Variants in ZNF516 observed in about 807,000 individuals in gnomAD.
ZNF516 encodes the protein zinc finger protein 516.
In ZNF516, 19 loss-of-function variants were observed where a neutral mutation model predicts 79.7. That is an observed-to-expected ratio of 0.24 (90% CI 0.17 to 0.35). The LOEUF is 0.35. Ranked by LOEUF, ZNF516 falls within the 10% of genes least tolerant of loss-of-function variation. ZNF516 has a pLI of 1.00. For synonymous variants in ZNF516, 877 were observed against 739.5 expected (o/e 1.19, Z -3.02); for missense variants, 1,678 against 1,679.5 (o/e 1.00, Z 0.02).
intron 3 of ZNF516, among the ~76,000 whole-genome samples, chr18:76,424,815 G>A (rs1208441029): frequency 4.4e-5 from 5 of 112,756 alleles, no homozygotes; most frequent in Non-Finnish European, 8.7e-5. Flanking sequence ...AGGCTCCCCC[G>A]AAACACACGC....
chr18:76,402,871 T>G (rs1244346039), intron 3 of ZNF516, among the ~76,000 whole-genome samples: 1 of 152,124 alleles, frequency 6.6e-6, no homozygotes, highest in East Asian at 1.9e-4. Flanking sequence ...CCCTCCGTGT[T>G]CCCATGCTGG....
chr18:76,486,595 A>C (rs1338919842), intron 1 of ZNF516, among the ~76,000 whole-genome samples: 1 of 152,066 alleles, frequency 6.6e-6, no homozygotes, highest in East Asian at 1.9e-4. Flanking sequence ...TAAAAAAGCA[A>C]GAAAATAACA....
intron 2 of ZNF516, among the ~76,000 whole-genome samples, chr18:76,444,009 G>T (rs1911890824): frequency 1.3e-5 from 2 of 152,236 alleles, no homozygotes; most frequent in African/African-American, 2.4e-5. Flanking sequence ...CCAGAGAGTA[G>T]CTGTGTCCAG....
intron 6 of ZNF516, among the ~76,000 whole-genome samples, chr18:76,367,510 C>A (rs1260257713): frequency 6.6e-6 from 1 of 152,214 alleles, no homozygotes; most frequent in East Asian, 1.9e-4. Context: ...CTCTGCCCAC[C>A]CACTCTGGCT....
At chr18:76,435,642 A>G (rs1024963649) in intron 3 of ZNF516, among the ~76,000 whole-genome samples, 3 of 152,208 alleles carry the variant, frequency 2.0e-5, no homozygotes, top group African/African-American at 7.2e-5. Context: ...TTTTTATACT[A>G]AACAAGAATT....
chr18:76,427,771 A>G (rs1697055295), intron 3 of ZNF516, among the ~76,000 whole-genome samples: 1 of 152,240 alleles, frequency 6.6e-6, no homozygotes, highest in South Asian at 2.1e-4. Context: ...TAACAAGAAA[A>G]GGACAACACA....
At chr18:76,445,044 C>T (rs1345561119) in intron 2 of ZNF516, among the ~76,000 whole-genome samples, 1 of 152,142 alleles carries the variant, frequency 6.6e-6, no homozygotes, top group African/African-American at 2.4e-5. Context: ...TGCAACAGAG[C>T]GGGCATGAGA....
intron 3 of ZNF516, among the ~76,000 whole-genome samples, chr18:76,384,229 G>A (rs2074941153): frequency 6.6e-6 from 1 of 151,568 alleles, no homozygotes; most frequent in African/African-American, 2.4e-5. Context: ...CCCAACAGGT[G>A]GCAGCAGGCA....
intron 6 of ZNF516, among the ~76,000 whole-genome samples, chr18:76,364,127 T>C (rs976663528): frequency 1.3e-5 from 2 of 152,232 alleles, no homozygotes; most frequent in Admixed American, 1.3e-4. Flanking sequence ...TTTAAAAATA[T>C]TTATTTTGGA....
At chr18:76,372,826 G>A (rs1276654118) in intron 4 of ZNF516, 1 of 152,174 alleles carries the variant, frequency 6.6e-6, no homozygotes, top group East Asian at 1.9e-4. Flanking sequence ...TACACAAAAG[G>A]AATAAGAAGA....
At chr18:76,469,950 C>T (rs1356480352) in intron 1 of ZNF516, among the ~76,000 whole-genome samples, 1 of 152,170 alleles carries the variant, frequency 6.6e-6, no homozygotes, top group African/African-American at 2.4e-5. Flanking sequence ...CTCAGGAAAT[C>T]ATTACAAAAT....
chr18:76,430,344 A>C (rs1378802115), intron 3 of ZNF516, among the ~76,000 whole-genome samples: 3 of 152,260 alleles, frequency 2.0e-5, no homozygotes, highest in African/African-American at 7.2e-5. Flanking sequence ...CGTAGTAATC[A>C]ATTTTTAAAA....
chr18:76,431,820 C>T (rs944470614), intron 3 of ZNF516, among the ~76,000 whole-genome samples: 1 of 152,170 alleles, frequency 6.6e-6, no homozygotes, highest in East Asian at 1.9e-4. Flanking sequence ...TCTGCAGAAC[C>T]GTGGGCCAAA....
intron 3 of ZNF516, among the ~76,000 whole-genome samples, chr18:76,384,874 G>A (rs894249022): frequency 2.6e-5 from 4 of 152,206 alleles, no homozygotes; most frequent in African/African-American, 9.6e-5. Flanking sequence ...AAAGAGAACG[G>A]TGCTGATTTG....
Position 76,442,081 on chromosome 18 carries a change from T to A in ZNF516, c.974A>T (p.Glu325Val), listed in dbSNP as rs1911704339. 1.9e-6 allele frequency: 3 copies of A among 1,613,872 alleles called. No individual in the cohort carries two copies. Among genetic ancestry groups the A allele is most frequent in the Non-Finnish European group, 2.5e-6 (3 of 1,179,896 alleles). ...IATINNVVQE[E>V]VIVAGLSLYE... is the part of the protein sequence containing the mutation. ...GAGGCTCAGGCCGGCGACGATCACC[T>A]CCTCCTGGACCACGTTGTTGATGGT... is the stretch of plus-strand genomic sequence containing the variant. The change falls in exon 3 of 7, where the codon GAG (glutamate) becomes GTG (valine). Residue 325 changes from glutamate to valine, a missense_variant. Around this residue, in one of 5 missense-constraint regions of ZNF516, gnomAD observed 1,294 missense variants for 1,248.3 expected, o/e 1.04. Transcript: ENST00000443185.
intron 3 of ZNF516, among the ~76,000 whole-genome samples, chr18:76,413,114 C>G (rs916042348): frequency 6.6e-6 from 1 of 152,176 alleles, no homozygotes; most frequent in African/African-American, 2.4e-5. Flanking sequence ...GGAAACAGGA[C>G]GTACTGCTGA....
rs1257857910 is a variant in ZNF516 at position 76,442,821 on chromosome 18, C to T, written c.234G>A (p.Lys78=). ...CCGTGCGGTGGCTCCGGATGTGAAT[C>T]TTCAGGTTGCCCTTCTGGGAAGCCC... ...DHRASQKGNL[K]IHIRSHRTGT... is the part of the protein sequence containing the mutation. Residue 78 remains lysine, a synonymous_variant, in exon 3 of 7, where the codon AAG becomes AAA. Coordinates refer to ENST00000443185, the MANE Select transcript of ZNF516 (RefSeq NM_014643.4). The T allele has an allele frequency of 4.3e-6, 7 of 1,612,554 alleles. No individual in the cohort carries two copies. Among genetic ancestry groups the T allele is most frequent in the Non-Finnish European group, 5.9e-6 (7 of 1,179,282 alleles).
At chr18:76,383,844 C>T (rs1278197808) in intron 3 of ZNF516, among the ~76,000 whole-genome samples, 4 of 152,232 alleles carry the variant, frequency 2.6e-5, no homozygotes, top group Admixed American at 2.6e-4. Context: ...CTTCGCCCCT[C>T]GTCCCCGGCT....
intron 6 of ZNF516, among the ~76,000 whole-genome samples, chr18:76,362,896 T>A (rs1163804667): frequency 2.0e-5 from 3 of 152,104 alleles, no homozygotes; most frequent in Non-Finnish European, 2.9e-5. Flanking sequence ...GGAGAGAAGG[T>A]TACAAGTTGG....
Sources: gnomAD v4.1 joint callset for allele counts (sites outside exome capture counted in the v4.1 genomes callset) on GRCh38, gnomAD v4.1.1 for gene constraint, gnomAD v4.1.1 regional missense constraint, MANE v1.5 for transcripts, NCBI Gene and HGNC (gene_info 2026-07-23, HGNC 2026-07-21) for gene names.